The following DET1 variants were observed in gnomAD, a reference collection of about 807,000 sequenced individuals.
DET1 encodes the protein DET1 partner of COP1 E3 ubiquitin ligase, also known as DET1 homolog.
In DET1, 22 loss-of-function variants were observed where a neutral mutation model predicts 43.7. That is an observed-to-expected ratio of 0.50 (90% CI 0.36 to 0.72). The LOEUF is 0.72. DET1 is among the 30% of genes least tolerant of loss of function. DET1 has a pLI of 0.00. For synonymous variants in DET1, 315 were observed against 266.2 expected (o/e 1.18, Z -1.79); for missense variants, 713 against 713.3 (o/e 1.00, Z 0.00).
chr15:88,512,475 A>G (rs920426289), downstream of DET1: 4 of 986,746 alleles, frequency 4.1e-6, no homozygotes, highest in South Asian at 4.7e-5. Flanking sequence ...ATCCAACCAC[A>G]TATATTTAAG....
At position 88,536,353 on chromosome 15, in the gene DET1, G is replaced by T. The variant is rs748958388; in HGVS notation, c.-10-4638C>A. On this transcript the variant is annotated intron_variant, in intron 1 of 4. Transcript: ENST00000268148. ...CCACCATACCAGAGAGCAGGGAACTGGTCTAATTCCTTGCTGTATTCCCAG... is the reference window on the plus strand; with the variant it reads ...CCACCATACCAGAGAGCAGGGAACTTGTCTAATTCCTTGCTGTATTCCCAG... 1.7e-5 allele frequency: 13 copies of T among 778,850 alleles called. No homozygotes were observed. In the African/African-American group the frequency reaches 2.0e-4, roughly 12 times the overall value. 48.2% of individuals were successfully genotyped at this position (778,850 alleles called of 1,614,324 possible). A position where few individuals can be genotyped will look rare whatever the true frequency, so the allele number is the denominator to read the frequency against.
chr15:88,542,454 C>A (rs1430416693), intron 1 of DET1, among the ~76,000 whole-genome samples: 2 of 152,078 alleles, frequency 1.3e-5, no homozygotes, highest in Non-Finnish European at 2.9e-5. Context: ...TAGAATGTCT[C>A]CAGGAGGCTT....
chr15:88,515,784 G>C (rs528873457), intron 4 of DET1, among the ~76,000 whole-genome samples: 2 of 152,180 alleles, frequency 1.3e-5, no homozygotes, highest in East Asian at 1.9e-4. Context: ...ACCCAGGACA[G>C]TGGTGGGAAG....
chr15:88,536,267 A>C (rs779890196), intron 1 of DET1: 1 of 754,896 alleles, frequency 1.3e-6, no homozygotes, highest in African/African-American at 1.7e-5. Flanking sequence ...GATACACCCT[A>C]TATTATTAAT....
At chr15:88,509,106 C>A (rs1349881681), downstream of DET1, among the ~76,000 whole-genome samples, 5 of 152,146 alleles carry the variant, frequency 3.3e-5, no homozygotes, top group Non-Finnish European at 7.3e-5. Flanking sequence ...GGCGAGTTCC[C>A]ACCTGATTCT....
intron 3 of DET1, among the ~76,000 whole-genome samples, chr15:88,520,058 C>G (rs2142273383): frequency 6.6e-6 from 1 of 152,294 alleles, no homozygotes; most frequent in East Asian, 1.9e-4. Context: ...TTTCTGCGCT[C>G]CCATGCAAGG....
At chr15:88,513,540 G>T (rs962230069) in intron 4 of DET1, among the ~76,000 whole-genome samples, 4 of 149,528 alleles carry the variant, frequency 2.7e-5, no homozygotes, top group African/African-American at 9.8e-5. Context: ...ATAAAAAGGG[G>T]AAATTTTAAT....
intron 3 of DET1, among the ~76,000 whole-genome samples, chr15:88,524,516 A>T (rs1214563662): frequency 6.6e-6 from 1 of 152,218 alleles, no homozygotes; most frequent in East Asian, 1.9e-4. Context: ...TGTCGAATAG[A>T]AAAGGGGGAA....
At chr15:88,527,491 C>A (rs950661843) in intron 3 of DET1, 108 bp downstream of exon 3, 3 of 1,035,756 alleles carry the variant, frequency 2.9e-6, no homozygotes, top group Admixed American at 3.3e-5. Flanking sequence ...GCAGAATAAC[C>A]AAAGCTATGT....
intron 3 of DET1, among the ~76,000 whole-genome samples, chr15:88,518,654 C>G (rs916921904): frequency 1.2e-4 from 18 of 152,124 alleles, no homozygotes; most frequent in African/African-American, 4.1e-4. Flanking sequence ...TTTTAAACCT[C>G]TATATTCAAG....
intron 3 of DET1, among the ~76,000 whole-genome samples, chr15:88,522,514 T>TTTTTTTTTTTTTTTTTTTG (rs1444345562): frequency 4.7e-5 from 6 of 126,442 alleles, no homozygotes; most frequent in African/African-American, 2.1e-4. Context: ...TGTTCCTGGT[T>TTTTTTTTTTTTTTTTTTTG]TTTTTTTTTT....
chr15:88,526,119 T>C (rs187203135), intron 3 of DET1, among the ~76,000 whole-genome samples: 2 of 152,354 alleles, frequency 1.3e-5, no homozygotes, highest in African/African-American at 2.4e-5. Flanking sequence ...AAGATTTGTG[T>C]GAACCAAAGA....
chr15:88,517,055 T>A, intron 3 of DET1, 82 bp from the exon 4 acceptor site: 1 of 977,146 alleles, frequency 1.0e-6, no homozygotes, highest in Non-Finnish European at 1.5e-6. Context: ...AATATATGTC[T>A]AAGAACAACT....
intron 1 of DET1, among the ~76,000 whole-genome samples, chr15:88,533,246 A>C (rs2056862444): frequency 6.6e-6 from 1 of 152,172 alleles, no homozygotes; most frequent in African/African-American, 2.4e-5. Flanking sequence ...ATCACCTCAC[A>C]CCCATTAGAA....
chr15:88,540,150 TGAAA>T (rs1197536568), intron 1 of DET1, among the ~76,000 whole-genome samples: 2 of 152,026 alleles, frequency 1.3e-5, no homozygotes. Context: ...CTTGAACCCT[TGAAA>T]GAAAGAGCTA....
chr15:88,531,016 G>A lies in DET1; in HGVS notation c.690C>T (p.Ala230=), dbSNP rs2056797550. The A allele has an allele frequency of 1.2e-6, 2 of 1,613,438 alleles. No homozygotes were observed. Among genetic ancestry groups the A allele is most frequent in the African/African-American group, 2.7e-5 (2 of 74,902 alleles). Residue 230 remains alanine, a synonymous_variant, in exon 2 of 5, where the codon GCC becomes GCT. Coordinates refer to ENST00000268148, the MANE Select transcript of DET1 (RefSeq NM_001144074.3). The surrounding 1 kb of genome is among the most constrained non-coding windows in gnomAD (Gnocchi z 6.2). ...QGLYLYKNIL[A]ILSVQQQTIH... is the part of the protein sequence containing the mutation. ...TGGTCTGTTGTTGCACAGACAAGATGGCCAGGATGTTTTTGTACAAGTACA... is the reference window on the plus strand; with the variant it reads ...TGGTCTGTTGTTGCACAGACAAGATAGCCAGGATGTTTTTGTACAAGTACA...
chr15:88,531,817 T>C lies in DET1; in HGVS notation c.-10-102A>G, dbSNP rs1399337808. On this transcript the variant is annotated intron_variant, in intron 1 of 4. Transcript: ENST00000268148. This position sits in a 1 kb window ranked among gnomAD's most constrained non-coding sequence, Gnocchi z 6.2. ...GATTTCTCTTCTTATATCCTGAACCTAGGAGCTCCCAAGATGACAGTGACT... is the reference window on the plus strand; with the variant it reads ...GATTTCTCTTCTTATATCCTGAACCCAGGAGCTCCCAAGATGACAGTGACT... The C allele has an allele frequency of 3.4e-6, 4 of 1,159,940 alleles. No individual in the cohort carries two copies. The African/African-American group carries it at 4.7e-5, about 14-fold the overall frequency. The allele number at this position is 1,159,940 out of a possible 1,614,324, so 71.9% of individuals were successfully genotyped here.
chr15:88,510,759 GTTTT>G (rs796792971), downstream of DET1, among the ~76,000 whole-genome samples: 1 of 135,616 alleles, frequency 7.4e-6, no homozygotes, highest in African/African-American at 2.7e-5. Flanking sequence ...TTGTTGTTTT[GTTTT>G]TTTTTTTGTT....
At chr15:88,526,499 TTTAGGGTGA>T (rs2056666764) in intron 3 of DET1, among the ~76,000 whole-genome samples, 1 of 148,962 alleles carries the variant, frequency 6.7e-6, no homozygotes, top group African/African-American at 2.6e-5. Flanking sequence ...GGGGTATATA[TTTAGGGTGA>T]CCTAAGTGAT....
Sources: gnomAD v4.1 joint callset for allele counts (sites outside exome capture counted in the v4.1 genomes callset) on GRCh38, gnomAD v4.1.1 for gene constraint, Gnocchi (gnomAD v3.1) non-coding constraint, MANE v1.5 for transcripts, NCBI Gene and HGNC (gene_info 2026-07-23, HGNC 2026-07-21) for gene names.